Variants in ESRRG observed in about 807,000 individuals in gnomAD.
ESRRG encodes the protein estrogen-related receptor gamma.
A neutral mutation model predicts 44.0 loss-of-function variants in ESRRG; 13 were observed. The observed-to-expected ratio is 0.30, with a 90% CI of 0.19 to 0.47. The LOEUF (loss-of-function observed/expected upper bound fraction) is 0.47, where lower values mean the gene tolerates loss of function less well. ESRRG is among the 20% of genes least tolerant of loss of function. ESRRG has a pLI of 1.00. For synonymous variants in ESRRG, 215 were observed against 214.6 expected (o/e 1.00, Z -0.02); for missense variants, 395 against 580.6 (o/e 0.68, Z 3.29).
intron 1 of ESRRG, among the ~76,000 whole-genome samples, chr1:217,020,868 C>G (rs887504656): frequency 4.6e-5 from 7 of 152,094 alleles, no homozygotes; most frequent in African/African-American, 1.7e-4. Flanking sequence ...TTTAGAAATT[C>G]ATCCTGACGC....
intron 1 of ESRRG, among the ~76,000 whole-genome samples, chr1:216,691,192 T>C (rs1306397674): frequency 1.3e-5 from 2 of 151,992 alleles, no homozygotes; most frequent in Admixed American, 6.6e-5. Flanking sequence ...CTATAGAATA[T>C]AGAATAAAGA....
chr1:216,930,777 A>G (rs1038780759), intron 2 of ESRRG, among the ~76,000 whole-genome samples: 6 of 152,220 alleles, frequency 3.9e-5, no homozygotes, highest in Admixed American at 2.6e-4. Context: ...GGTGACATTT[A>G]AGCTGAGCCT....
chr1:216,573,250 A>G (rs1211583859), intron 3 of ESRRG, among the ~76,000 whole-genome samples: 1 of 151,978 alleles, frequency 6.6e-6, no homozygotes, highest in African/African-American at 2.4e-5. Flanking sequence ...TTTATCTTAA[A>G]TATTATGCAA....
In ESRRG at chr1:216,550,935, A is replaced by G. The variant is rs11803393; in HGVS notation, c.862+13284T>C. ...CAGATTCTGGCTCTCAGTTTAGTCC[A>G]CAGACTATGGCTGATAATCAGAACA... On this transcript the variant is annotated intron_variant, in intron 5 of 6. Coordinates refer to ENST00000408911, the MANE Select transcript of ESRRG (RefSeq NM_001438.4). Among the ~76,000 whole-genome samples, 1,196 of 152,278 alleles carry G rather than the reference A, an allele frequency of 7.9e-3. 7 individuals carry two copies. Among genetic ancestry groups the G allele is most frequent in the African/African-American group, 0.027 (1,136 of 41,576 alleles).
intron 5 of ESRRG, among the ~76,000 whole-genome samples, chr1:216,542,137 A>C (rs2053077983): frequency 6.6e-6 from 1 of 150,864 alleles, no homozygotes; most frequent in African/African-American, 2.4e-5. Flanking sequence ...TTCTAGTACT[A>C]ATCCTTGTTG....
At chr1:216,914,328 G>T (rs2060862858) in intron 2 of ESRRG, among the ~76,000 whole-genome samples, 1 of 152,160 alleles carries the variant, frequency 6.6e-6, no homozygotes, top group South Asian at 2.1e-4. Flanking sequence ...TGACTCTAGT[G>T]TAGTATCGCA....
chr1:216,891,448 A>G (rs973867400), intron 2 of ESRRG, among the ~76,000 whole-genome samples: 1 of 152,076 alleles, frequency 6.6e-6, no homozygotes, highest in Non-Finnish European at 1.5e-5. Context: ...ATATGCACAC[A>G]CGTGCACATG....
rs73093930 is a variant in ESRRG, at chr1:216,741,524, G to A, written c.-13-64033C>T. ...AAACTCAGAAAGATCACCTCCTCTCGGGAGGCATCTCTTATCCTGCCATCC... is the reference window on the plus strand; with the variant it reads ...AAACTCAGAAAGATCACCTCCTCTCAGGAGGCATCTCTTATCCTGCCATCC... On this transcript the variant is annotated intron_variant, in intron 2 of 7. Transcript: ENST00000359162. 4.5e-3 allele frequency among the ~76,000 whole-genome samples: 664 copies of A among 147,416 alleles called. 4 individuals carry two copies. The highest frequency in any genetic ancestry group is 0.015 in the African/African-American group (586 of 39,862).
intron 2 of ESRRG, among the ~76,000 whole-genome samples, chr1:216,658,908 GAGAA>G: frequency 7.2e-6 from 1 of 139,206 alleles, no homozygotes. Flanking sequence ...GAGAAGAGAA[GAGAA>G]GAGAAATAAA....
chr1:216,903,782 C>T (rs2059368480), intron 2 of ESRRG, among the ~76,000 whole-genome samples: 2 of 152,094 alleles, frequency 1.3e-5, no homozygotes, highest in Non-Finnish European at 2.9e-5. Context: ...TCTATACCAA[C>T]CACCCTCTGC....
chr1:217,049,969 T>C (rs2085606120), intron 1 of ESRRG, among the ~76,000 whole-genome samples: 5 of 152,134 alleles, frequency 3.3e-5, no homozygotes. Context: ...GCAAAATAAG[T>C]ACATCTATGA....
intron 5 of ESRRG, among the ~76,000 whole-genome samples, chr1:216,524,404 A>G (rs977595633): frequency 1.3e-5 from 2 of 151,498 alleles, no homozygotes; most frequent in African/African-American, 4.8e-5. Context: ...TGGTGCTATC[A>G]GAAGCATTTT....
intron 1 of ESRRG, among the ~76,000 whole-genome samples, 167 bp from the exon 2 acceptor site, chr1:216,677,658 A>G (rs2076338674): frequency 6.6e-6 from 1 of 152,186 alleles, no homozygotes; most frequent in South Asian, 2.1e-4. Context: ...GCTCTTTGAG[A>G]GAGTTTCCTA....
At chr1:216,532,380 T>G (rs2049643154) in intron 5 of ESRRG, among the ~76,000 whole-genome samples, 1 of 152,140 alleles carries the variant, frequency 6.6e-6, no homozygotes, top group Admixed American at 6.5e-5. Context: ...TGCACTAAAG[T>G]GACCGCTAAA....
chr1:216,808,083 T>A lies in ESRRG; in HGVS notation c.-13-130592A>T, dbSNP rs200914726. On this transcript the variant is annotated intron_variant, in intron 2 of 7. Coordinates refer to the ESRRG transcript ENST00000359162. ...GACATACTTAACCTCCGTTCCAGTG[T>A]GGAATTCTTTCTATACTGGCCCTGA... Among the ~76,000 whole-genome samples, 15 of 152,308 alleles carry A rather than the reference T, an allele frequency of 9.8e-5. No homozygotes were observed. In the East Asian group the frequency reaches 2.9e-3, roughly 29 times the overall value.
chr1:216,553,415 G>A (rs1467654562), intron 5 of ESRRG, among the ~76,000 whole-genome samples: 1 of 152,166 alleles, frequency 6.6e-6, no homozygotes, highest in Admixed American at 6.5e-5. Flanking sequence ...TGCTGACCTG[G>A]ACATTCAGTT....
At chr1:216,982,656 A>G (rs2150402997) in intron 1 of ESRRG, among the ~76,000 whole-genome samples, 1 of 152,344 alleles carries the variant, frequency 6.6e-6, no homozygotes, top group South Asian at 2.1e-4. Context: ...CTTAAAACCA[A>G]TCTTTGGCTT....
At chr1:216,779,433 TATAAAAATAAATATTTATAAATATAA>T in intron 2 of ESRRG, among the ~76,000 whole-genome samples, 2 of 38,012 alleles carry the variant, frequency 5.3e-5, no homozygotes, top group African/African-American at 1.2e-4. Flanking sequence ...TAAATTTATT[TATAAAAATAAATATTTATAAATATAA>T]ATATAAATAT....
chr1:216,679,607 G>A (rs751238421), intron 1 of ESRRG, among the ~76,000 whole-genome samples: 1 of 148,470 alleles, frequency 6.7e-6, no homozygotes, highest in Non-Finnish European at 1.5e-5. Context: ...ACAAGGCACC[G>A]TTTTTTAATT....
Sources: allele counts gnomAD v4.1 joint callset (sites outside exome capture counted in the v4.1 genomes callset), GRCh38; gene constraint gnomAD v4.1.1; transcripts MANE v1.5; gene names NCBI Gene and HGNC (gene_info 2026-07-23, HGNC 2026-07-21).